PLCH1: variants seen among roughly 807,000 people sequenced by gnomAD.
PLCH1 encodes 1-phosphatidylinositol 4,5-bisphosphate phosphodiesterase eta-1.
PLCH1 carries 60 observed loss-of-function variants against 126.7 expected under a neutral mutation model. The observed-to-expected ratio is 0.47, with a 90% CI of 0.38 to 0.59. The LOEUF (loss-of-function observed/expected upper bound fraction) is 0.59, where lower values mean the gene tolerates loss of function less well. PLCH1 is among the 20% of genes least tolerant of loss of function. The pLI is 0.00. For synonymous variants in PLCH1, 719 were observed against 734.9 expected, an observed-to-expected ratio of 0.98 and a Z score of 0.35; for missense variants, 1,723 against 2,040.0, an observed-to-expected ratio of 0.84 and a Z score of 2.99.
At chr3:155,619,925 T>A (rs1478264228) in intron 2 of PLCH1, among the ~76,000 whole-genome samples, 1 of 152,166 alleles carries the variant, frequency 6.6e-6, no homozygotes. Flanking sequence ...TCCCCTCAGG[T>A]TTACTTTTCA....
rs1236778486 is a variant in PLCH1, at chr3:155,594,080, G to A, written c.331C>T (p.His111Tyr). 3 of 1,614,088 alleles carry A rather than the reference G, an allele frequency of 1.9e-6. No individual in the cohort carries two copies. The highest frequency in any genetic ancestry group is 2.5e-6 in the Non-Finnish European group (3 of 1,180,020). The change falls in exon 4 of 23, where the codon CAT (histidine) becomes TAT (tyrosine). Residue 111 changes from histidine (H) to tyrosine (Y), a missense_variant. His to Tyr is a moderately conservative substitution (Grantham distance 83, BLOSUM62 2). Coordinates refer to ENST00000460012, the MANE Select transcript of PLCH1 (RefSeq NM_014996.4). ...FDPSCCFTIY[H>Y]GNHMESLDLI... is the part of the protein sequence containing the mutation. ...TCCAGGGACTCCATGTGGTTGCCAT[G>A]GTAGATGGTGAAGCAGCAGCTGGGG... is the stretch of plus-strand genomic sequence containing the variant.
chr3:155,486,244 T>A, intron 21 of PLCH1: 1 of 1,311,728 alleles, frequency 7.6e-7, no homozygotes, highest in Non-Finnish European at 1.1e-6. Flanking sequence ...AAAACACAAT[T>A]GGGGCTCATT....
intron 8 of PLCH1, among the ~76,000 whole-genome samples, chr3:155,559,784 C>T (rs1172890896): frequency 2.0e-5 from 3 of 152,058 alleles, no homozygotes; most frequent in African/African-American, 7.2e-5. Context: ...ATTACAGCAG[C>T]GACTGGAAAA....
At chr3:155,741,139 C>A (rs763658064) in intron 1 of PLCH1, among the ~76,000 whole-genome samples, 4 of 152,210 alleles carry the variant, frequency 2.6e-5, no homozygotes, top group Non-Finnish European at 4.4e-5. Context: ...TAATTTGGCA[C>A]ACCCTACCAC....
intron 2 of PLCH1, among the ~76,000 whole-genome samples, chr3:155,703,408 T>C (rs1467024576): frequency 6.6e-6 from 1 of 152,202 alleles, no homozygotes; most frequent in African/African-American, 2.4e-5. Context: ...CACATAAGTC[T>C]TTGGCTTTTA....
intron 2 of PLCH1, among the ~76,000 whole-genome samples, chr3:155,689,763 A>C (rs1313913885): frequency 6.6e-6 from 1 of 152,092 alleles, no homozygotes; most frequent in Non-Finnish European, 1.5e-5. Context: ...ACAAGCAATG[A>C]AGCACACCTA....
At chr3:155,594,759 TA>T (rs879565341) in intron 3 of PLCH1, among the ~76,000 whole-genome samples, 230 of 148,250 alleles carry the variant, frequency 1.6e-3, no homozygotes, top group Non-Finnish European at 2.7e-3. Flanking sequence ...AAATTTGTAG[TA>T]AAAAAAAAAT....
intron 10 of PLCH1, among the ~76,000 whole-genome samples, chr3:155,530,657 G>A (rs907086454): frequency 1.8e-4 from 27 of 151,976 alleles, no homozygotes; most frequent in Admixed American, 3.9e-4. Flanking sequence ...ACCCCTCAAC[G>A]TCATCCATCA....
chr3:155,724,813 T>TTGTGTGTGTGTGTGTGTGTGTG (rs60805589), intron 1 of PLCH1, among the ~76,000 whole-genome samples: 29 of 140,158 alleles, frequency 2.1e-4, no homozygotes, highest in African/African-American at 7.3e-4. Flanking sequence ...TTGGGGGGTT[T>TTGTGTGTGTGTGTGTGTGTGTG]TGTGTGTGTG....
intron 2 of PLCH1, 105 bp from the exon 3 acceptor site, chr3:155,596,483 C>A: frequency 1.1e-6 from 1 of 889,618 alleles, no homozygotes; most frequent in Non-Finnish European, 1.7e-6. Context: ...GCAAAGACTC[C>A]AAGGACCAGA....
intron 9 of PLCH1, among the ~76,000 whole-genome samples, chr3:155,551,210 C>T (rs1268095084): frequency 1.3e-5 from 2 of 151,812 alleles, no homozygotes; most frequent in African/African-American, 2.4e-5. Context: ...TTTGGGAGGC[C>T]GAAGCAGGCA....
intron 2 of PLCH1, among the ~76,000 whole-genome samples, chr3:155,601,386 C>T (rs1165406493): frequency 6.6e-6 from 1 of 151,860 alleles, no homozygotes. Context: ...TCACTAAATC[C>T]CTCAAGCAGA....
chr3:155,588,864 A>C (rs938568760), intron 4 of PLCH1, among the ~76,000 whole-genome samples: 3 of 152,188 alleles, frequency 2.0e-5, no homozygotes, highest in African/African-American at 4.8e-5. Context: ...CAAGGAGCAC[A>C]ACTTTTAACC....
chr3:155,458,554 GAGAAAA>G (rs1322572540), intron 21 of PLCH1, among the ~76,000 whole-genome samples: 1 of 134,626 alleles, frequency 7.4e-6, no homozygotes, highest in African/African-American at 3.3e-5. Flanking sequence ...AAGAAAGAAA[GAGAAAA>G]AGAAAGAAAG....
chr3:155,568,129 C>T, intron 7 of PLCH1, 102 bp downstream of exon 7: 1 of 605,166 alleles, frequency 1.7e-6, no homozygotes, highest in Non-Finnish European at 3.0e-6. Context: ...TTAATATAAT[C>T]CCATGGATAT....
chr3:155,500,912 A>C, intron 13 of PLCH1, 118 bp from the exon 14 acceptor site: 1 of 672,114 alleles, frequency 1.5e-6, no homozygotes, highest in Non-Finnish European at 2.6e-6. Context: ...TGGAGGGAGA[A>C]AATGACCAAA....
intron 22 of PLCH1, chr3:155,483,479 G>A (rs940530882): frequency 4.6e-5 from 27 of 591,614 alleles, no homozygotes; most frequent in Non-Finnish European, 5.8e-5. Context: ...AGTTATACAT[G>A]TATTAGTTAA....
At chr3:155,612,768 C>T (rs751250460) in intron 2 of PLCH1, among the ~76,000 whole-genome samples, 14 of 151,760 alleles carry the variant, frequency 9.2e-5, no homozygotes, top group East Asian at 3.9e-4. Flanking sequence ...ATTAGCCGGG[C>T]GTGGTGGTGC....
chr3:155,639,841 A>T (rs1177066317), intron 2 of PLCH1, among the ~76,000 whole-genome samples: 1 of 152,100 alleles, frequency 6.6e-6, no homozygotes, highest in Non-Finnish European at 1.5e-5. Flanking sequence ...GGGGGTGGAT[A>T]TCCCCCCCTG....
Sources: gnomAD v4.1 joint callset for allele counts (sites outside exome capture counted in the v4.1 genomes callset) on GRCh38, gnomAD v4.1.1 for gene constraint, MANE v1.5 for transcripts, NCBI Gene and HGNC (gene_info 2026-07-23, HGNC 2026-07-21) for gene names.